The following CFAP299 variants were observed in gnomAD, a reference collection of about 807,000 sequenced individuals.
CFAP299 encodes cilia and flagella associated protein 299.
A neutral mutation model predicts 27.0 loss-of-function variants in CFAP299; 21 were observed. That is an observed-to-expected ratio of 0.78 (90% CI 0.55 to 1.12). The LOEUF is 1.12. Among genes scored for constraint, CFAP299 ranks in the 50% most tolerant of loss-of-function variants. The pLI is 0.00. For missense variants in CFAP299, 310 were observed against 276.6 expected (o/e 1.12, Z -0.86); for synonymous variants, 104 against 98.1 (o/e 1.06, Z -0.36).
chr4:80,651,566 T>G (rs1740300699), intron 3 of CFAP299, among the ~76,000 whole-genome samples: 1 of 151,952 alleles, frequency 6.6e-6, no homozygotes, highest in Admixed American at 6.6e-5. Flanking sequence ...GGTCTCTCTC[T>G]GTTGCCCAGG....
At chr4:80,942,210 T>G (rs1053204806) in intron 4 of CFAP299, among the ~76,000 whole-genome samples, 1 of 152,172 alleles carries the variant, frequency 6.6e-6, no homozygotes, top group African/African-American at 2.4e-5. Flanking sequence ...AAATTTGTAT[T>G]TTGATCAGCA....
chr4:80,861,679 T>C lies in CFAP299; in HGVS notation c.334-8314T>C, dbSNP rs188491529. On this transcript the variant is annotated intron_variant, in intron 3 of 5. Coordinates refer to ENST00000358105, the MANE Select transcript of CFAP299 (RefSeq NM_152770.3). The stretch of plus-strand genomic sequence containing the variant: ...TTATTTCATAACTTTTGTTCAACGA[T>C]GTAGTCTTTTCATTTTGTTTTTATG... Among the ~76,000 whole-genome samples, 324 of 152,322 alleles carry C rather than the reference T, an allele frequency of 2.1e-3. 2 individuals carry two copies. The highest frequency in any genetic ancestry group is 7.4e-3 in the African/African-American group (309 of 41,586).
At chr4:80,676,085 C>T (rs545393458) in intron 3 of CFAP299, among the ~76,000 whole-genome samples, 137 of 152,322 alleles carry the variant, frequency 9.0e-4, no homozygotes, top group Non-Finnish European at 1.6e-3. Context: ...AACCATACCT[C>T]AGTTGGAAAT....
At chr4:80,699,907 C>A (rs1721364699) in intron 3 of CFAP299, among the ~76,000 whole-genome samples, 1 of 152,076 alleles carries the variant, frequency 6.6e-6, no homozygotes, top group African/African-American at 2.4e-5. Flanking sequence ...AGGGAAGTAA[C>A]TAATCAGAAT....
intron 2 of CFAP299, among the ~76,000 whole-genome samples, chr4:80,454,115 A>G (rs921095778): frequency 6.6e-6 from 1 of 151,880 alleles, no homozygotes; most frequent in African/African-American, 2.4e-5. Context: ...AATTTTTGCA[A>G]TTTTCTGGCA....
At chr4:80,701,750 G>GA (rs1281591804) in intron 3 of CFAP299, among the ~76,000 whole-genome samples, 16 of 151,890 alleles carry the variant, frequency 1.1e-4, no homozygotes, top group African/African-American at 3.4e-4. Flanking sequence ...TTTCTTGATG[G>GA]AAAAAAATCC....
At chr4:80,551,896 G>A (rs904044625) in intron 2 of CFAP299, among the ~76,000 whole-genome samples, 22 of 151,542 alleles carry the variant, frequency 1.5e-4, no homozygotes, top group African/African-American at 3.9e-4. Flanking sequence ...CTACAGGCAC[G>A]TGCCACCATG....
chr4:80,807,585 A>T (rs1488459648), intron 3 of CFAP299, among the ~76,000 whole-genome samples: 6 of 152,186 alleles, frequency 3.9e-5, no homozygotes, highest in Non-Finnish European at 7.4e-5. Context: ...TATTCTTAAA[A>T]GCTGATCTTT....
At chr4:80,388,239 G>T in intron 2 of CFAP299, 1 of 693,754 alleles carries the variant, frequency 1.4e-6, no homozygotes. Flanking sequence ...CTCTGCACAG[G>T]TCGCGGGCCC....
chr4:80,732,624 A>G (rs1351060965), intron 3 of CFAP299, among the ~76,000 whole-genome samples: 1 of 151,784 alleles, frequency 6.6e-6, no homozygotes, highest in East Asian at 1.9e-4. Flanking sequence ...TTCTCTCTTC[A>G]AGATCAGTTA....
chr4:80,656,953 G>C (rs1353310065), intron 3 of CFAP299, among the ~76,000 whole-genome samples: 1 of 152,072 alleles, frequency 6.6e-6, no homozygotes, highest in Admixed American at 6.6e-5. Flanking sequence ...TTGTGGTTTT[G>C]ACTTGCATTT....
chr4:80,859,967 G>T (rs1033979614), intron 3 of CFAP299, among the ~76,000 whole-genome samples: 2 of 152,148 alleles, frequency 1.3e-5, no homozygotes, highest in Non-Finnish European at 2.9e-5. Context: ...TGTCTTGCTA[G>T]ATTGGGGAAG....
chr4:80,482,183 T>C (rs1437311227), intron 2 of CFAP299, among the ~76,000 whole-genome samples: 1 of 151,768 alleles, frequency 6.6e-6, no homozygotes, highest in Admixed American at 6.6e-5. Flanking sequence ...CAGAAATGTA[T>C]ACTAGATCAA....
At chr4:80,866,093 A>ATATATATATATC (rs1249405090) in intron 3 of CFAP299, among the ~76,000 whole-genome samples, 3 of 127,270 alleles carry the variant, frequency 2.4e-5, no homozygotes, top group Non-Finnish European at 3.3e-5. Context: ...ATATATATAT[A>ATATATATATATC]TATCTTCCCA....
intron 2 of CFAP299, among the ~76,000 whole-genome samples, chr4:80,546,683 G>A (rs1734242611): frequency 6.6e-6 from 1 of 151,980 alleles, no homozygotes; most frequent in Non-Finnish European, 1.5e-5. Flanking sequence ...TTGTTGTAAT[G>A]TGTGGCACTT....
intron 5 of CFAP299, among the ~76,000 whole-genome samples, chr4:80,951,365 C>G (rs1737768000): frequency 6.6e-6 from 1 of 152,182 alleles, no homozygotes; most frequent in Non-Finnish European, 1.5e-5. Flanking sequence ...TGTGCATGGA[C>G]TTAGCAGGAT....
chr4:80,618,584 G>T (rs190660091), intron 3 of CFAP299, among the ~76,000 whole-genome samples: 1 of 152,142 alleles, frequency 6.6e-6, no homozygotes, highest in Admixed American at 6.6e-5. Flanking sequence ...TGGATTCTTA[G>T]AAGACAACAT....
chr4:80,812,959 G>A (rs1259539080), intron 3 of CFAP299, among the ~76,000 whole-genome samples: 1 of 152,044 alleles, frequency 6.6e-6, no homozygotes, highest in East Asian at 1.9e-4. Flanking sequence ...AATTTCACAT[G>A]AAGTGTTATT....
chr4:80,782,684 G>T lies in CFAP299; in HGVS notation c.334-87309G>T, dbSNP rs185018149. 7.5e-3 allele frequency among the ~76,000 whole-genome samples: 854 copies of T among 113,270 alleles called. 11 individuals are homozygous for T. Among genetic ancestry groups the T allele is most frequent in the African/African-American group, 0.022 (637 of 28,494 alleles). 74.3% of individuals were successfully genotyped at this position (113,270 alleles called of 152,430 possible). A position where few individuals can be genotyped will look rare whatever the true frequency, so the allele number is the denominator to read the frequency against. ...ATATTCATATATAATATACATATAT[G>T]AATATATAATATATTCATATATAAT... On this transcript the variant is annotated intron_variant, in intron 3 of 5. Transcript: ENST00000358105.
Sources: gnomAD v4.1 joint callset for allele counts (sites outside exome capture counted in the v4.1 genomes callset) on GRCh38, gnomAD v4.1.1 for gene constraint, MANE v1.5 for transcripts, NCBI Gene and HGNC (gene_info 2026-07-23, HGNC 2026-07-21) for gene names.